KAZN: variants seen among roughly 807,000 people sequenced by gnomAD.
The protein encoded by KAZN is kazrin, periplakin interacting protein.
In KAZN, 40 loss-of-function variants were observed where a neutral mutation model predicts 87.4. That is an observed-to-expected ratio of 0.46 (90% CI 0.36 to 0.60). The LOEUF (loss-of-function observed/expected upper bound fraction) is 0.60. Ranked by LOEUF, KAZN falls within the 20% of genes least tolerant of loss-of-function variation. The probability of loss-of-function intolerance (pLI) is 0.00; values close to 1 mark genes in which losing one functional copy is unlikely to be tolerated. For missense variants in KAZN, 898 were observed against 1,073.9 expected (o/e 0.84, Z 2.29); for synonymous variants, 466 against 458.3 (o/e 1.02, Z -0.22).
At chr1:14,746,853 A>G (rs1644274281) in intron 1 of KAZN, among the ~76,000 whole-genome samples, 1 of 152,256 alleles carries the variant, frequency 6.6e-6, no homozygotes. Flanking sequence ...GGCAAAATAC[A>G]TATAACATAC....
intron 1 of KAZN, among the ~76,000 whole-genome samples, chr1:14,083,772 C>T (rs990535745): frequency 2.0e-5 from 3 of 152,202 alleles, no homozygotes; most frequent in Admixed American, 6.5e-5. Context: ...ACTCATATCT[C>T]ATCACAGCAT....
chr1:14,886,662 A>T (rs548035654), intron 1 of KAZN, among the ~76,000 whole-genome samples: 1 of 152,172 alleles, frequency 6.6e-6, no homozygotes, highest in East Asian at 1.9e-4. Flanking sequence ...GTGGTGGCGC[A>T]TGCATGTAAT....
intron 2 of KAZN, among the ~76,000 whole-genome samples, chr1:14,455,071 A>G (rs1276503757): frequency 6.6e-6 from 1 of 151,596 alleles, no homozygotes; most frequent in East Asian, 1.9e-4. Flanking sequence ...AAGAGATCCA[A>G]GAAAAAGCGA....
intron 1 of KAZN, among the ~76,000 whole-genome samples, chr1:14,176,274 G>T (rs1233927301): frequency 1.3e-5 from 2 of 152,066 alleles, no homozygotes; most frequent in Admixed American, 6.5e-5. Context: ...ATCTCTCTCT[G>T]GCCGTTTCTG....
chr1:15,055,133 G>A lies in KAZN; in HGVS notation c.727-958G>A, dbSNP rs186272746. ...AGCCAAACACCTTTTTCTTACAATC[G>A]GACTTGAATCCTGGCTAGTCCCTGG... On this transcript the variant is annotated intron_variant, in intron 4 of 14. Transcript: ENST00000376030. Among the ~76,000 whole-genome samples, 368 of 152,262 alleles carry A rather than the reference G, an allele frequency of 2.4e-3. 1 individual carries two copies. The highest frequency in any genetic ancestry group is 8.4e-3 in the African/African-American group (351 of 41,556).
At chr1:15,022,790 C>G (rs1256009988) in intron 2 of KAZN, among the ~76,000 whole-genome samples, 4 of 152,224 alleles carry the variant, frequency 2.6e-5, no homozygotes, top group Admixed American at 2.0e-4. Context: ...TCTAGGTCCC[C>G]GCTCATGCAC....
intron 1 of KAZN, among the ~76,000 whole-genome samples, chr1:14,655,496 C>T (rs1004118149): frequency 6.6e-6 from 1 of 152,164 alleles, no homozygotes; most frequent in South Asian, 2.1e-4. Flanking sequence ...AGTGAAATCC[C>T]TCTTTATGGG....
At chr1:14,653,674 G>A (rs951093189) in intron 1 of KAZN, among the ~76,000 whole-genome samples, 4 of 152,200 alleles carry the variant, frequency 2.6e-5, no homozygotes, top group African/African-American at 9.7e-5. Flanking sequence ...TCTGTTCTCA[G>A]GATAAAATGA....
chr1:14,642,887 A>T (rs992158121), intron 1 of KAZN, among the ~76,000 whole-genome samples: 1 of 152,264 alleles, frequency 6.6e-6, no homozygotes, highest in Non-Finnish European at 1.5e-5. Flanking sequence ...CTAAGTGCTG[A>T]TGAGGATACA....
At chr1:14,273,101 A>G (rs1253026399) in intron 2 of KAZN, among the ~76,000 whole-genome samples, 2 of 152,142 alleles carry the variant, frequency 1.3e-5, no homozygotes, top group Admixed American at 6.5e-5. Context: ...GGATCAGACT[A>G]AGTCTGGCAA....
At chr1:14,979,382 C>G (rs1666003895) in intron 2 of KAZN, among the ~76,000 whole-genome samples, 1 of 151,898 alleles carries the variant, frequency 6.6e-6, no homozygotes, top group Non-Finnish European at 1.5e-5. Context: ...GCATTCCAGC[C>G]TGGGTGGCAG....
chr1:14,891,389 T>C (rs1349372480), intron 1 of KAZN, among the ~76,000 whole-genome samples: 3 of 152,172 alleles, frequency 2.0e-5, no homozygotes, highest in African/African-American at 7.2e-5. Context: ...AGCTCCCACT[T>C]ATGAGTGAGA....
chr1:14,884,553 G>A (rs947202955), intron 1 of KAZN, among the ~76,000 whole-genome samples: 2 of 152,210 alleles, frequency 1.3e-5, no homozygotes, highest in South Asian at 2.1e-4. Flanking sequence ...CCATATTAAG[G>A]ACGTTCATTG....
At chr1:15,002,064 T>C (rs931521477) in intron 2 of KAZN, among the ~76,000 whole-genome samples, 18 of 152,002 alleles carry the variant, frequency 1.2e-4, no homozygotes, top group African/African-American at 4.1e-4. Flanking sequence ...GTATTTTTAG[T>C]AGAGACGGGG....
At chr1:15,065,013 G>C (rs79841431) in intron 7 of KAZN, among the ~76,000 whole-genome samples, 12,412 of 149,042 alleles carry the variant, frequency 0.083, 623 homozygotes, top group East Asian at 0.24. Flanking sequence ...ACCGTCCTTG[G>C]GGTCTTTTTC....
At chr1:13,912,503 G>A (rs553362757) in intron 1 of KAZN, among the ~76,000 whole-genome samples, 1 of 152,056 alleles carries the variant, frequency 6.6e-6, no homozygotes, top group African/African-American at 2.4e-5. Flanking sequence ...CTGAGACCAG[G>A]GCAACAGCTC....
chr1:14,363,708 T>C (rs1181899588), intron 2 of KAZN, among the ~76,000 whole-genome samples: 7 of 152,172 alleles, frequency 4.6e-5, no homozygotes, highest in Admixed American at 2.6e-4. Flanking sequence ...TTAACATTTT[T>C]AAAGGGTTGT....
chr1:14,918,643 T>A (rs1363010081), intron 1 of KAZN, among the ~76,000 whole-genome samples: 1 of 127,570 alleles, frequency 7.8e-6, no homozygotes, highest in Admixed American at 9.0e-5. Flanking sequence ...GCCACTGAAG[T>A]CCAGCCTGGG....
chr1:13,905,382 A>G (rs56011108), intron 1 of KAZN, among the ~76,000 whole-genome samples: 7,638 of 152,302 alleles, frequency 0.05, 526 homozygotes, highest in East Asian at 0.37. Context: ...GGATATTTCC[A>G]TACATTCCCT....
Sources: allele counts gnomAD v4.1 joint callset (sites outside exome capture counted in the v4.1 genomes callset), GRCh38; gene constraint gnomAD v4.1.1; transcripts MANE v1.5; gene names NCBI Gene and HGNC (gene_info 2026-07-23, HGNC 2026-07-21).